Variants in ADAM12 observed in about 807,000 individuals in gnomAD.
The protein encoded by ADAM12 is ADAM metallopeptidase domain 12.
ADAM12 carries 70 observed loss-of-function variants against 106.4 expected under a neutral mutation model. That is an observed-to-expected ratio of 0.66 (90% CI 0.54 to 0.80). The LOEUF is 0.80. Among genes scored for constraint, ADAM12 ranks in the 30% least tolerant of loss-of-function variants. The probability of loss-of-function intolerance (pLI) is 0.00; values close to 1 mark genes in which losing one functional copy is unlikely to be tolerated. For synonymous variants in ADAM12, 420 were observed against 433.5 expected (o/e 0.97, Z 0.39); for missense variants, 1,010 against 1,171.9 (o/e 0.86, Z 2.02).
chr10:126,176,579 G>A (rs904257688), intron 3 of ADAM12, among the ~76,000 whole-genome samples: 1 of 152,178 alleles, frequency 6.6e-6, no homozygotes, highest in South Asian at 2.1e-4. Flanking sequence ...TACGTAAATA[G>A]TTAAATCAAG....
intron 1 of ADAM12, among the ~76,000 whole-genome samples, chr10:126,380,002 A>G (rs975413795): frequency 2.0e-5 from 3 of 152,270 alleles, no homozygotes; most frequent in African/African-American, 4.8e-5. Context: ...AGGAGTAGGT[A>G]AACAGACAGA....
At chr10:126,061,556 G>A (rs1223924698) in intron 14 of ADAM12, among the ~76,000 whole-genome samples, 1 of 152,166 alleles carries the variant, frequency 6.6e-6, no homozygotes, top group Non-Finnish European at 1.5e-5. Flanking sequence ...GATCACCCTG[G>A]ACAATCTGGG....
intron 1 of ADAM12, among the ~76,000 whole-genome samples, chr10:126,331,971 G>A (rs1199225812): frequency 6.6e-6 from 1 of 152,182 alleles, no homozygotes; most frequent in African/African-American, 2.4e-5. Context: ...CTGGCAGCAT[G>A]GAGATCTTGA....
intron 3 of ADAM12, among the ~76,000 whole-genome samples, chr10:126,255,329 G>T (rs79538634): frequency 0.072 from 10,982 of 152,150 alleles, 503 homozygotes; most frequent in East Asian, 0.13. Context: ...TGCTCCTTTT[G>T]TACCTCAAAA....
rs1232204197 is a variant in ADAM12 at position 126,051,075 on chromosome 10, T to A, written c.1610-1406A>T. 4.6e-5 allele frequency among the ~76,000 whole-genome samples: 7 copies of A among 152,204 alleles called. No homozygotes were observed. The South Asian group carries it at 6.3e-4, about 14-fold the overall frequency. ...ACTCAGCTCCTATTAGGGACCTGAT[T>A]TGTCCGCATTCTGCCTTCTTTTTCT... On this transcript the variant is annotated intron_variant, in intron 14 of 22. Transcript: ENST00000448723.
intron 19 of ADAM12, among the ~76,000 whole-genome samples, chr10:126,038,669 T>C (rs1327458500): frequency 6.6e-6 from 1 of 152,146 alleles, no homozygotes; most frequent in Non-Finnish European, 1.5e-5. Context: ...AGCTACCCCA[T>C]CTGATGAAAA....
At chr10:126,353,594 G>A (rs1420540731) in intron 1 of ADAM12, among the ~76,000 whole-genome samples, 1 of 152,204 alleles carries the variant, frequency 6.6e-6, no homozygotes, top group East Asian at 1.9e-4. Context: ...AGTTTGCTGA[G>A]TATCTCAACC....
chr10:126,190,564 C>G (rs937778885), intron 3 of ADAM12, among the ~76,000 whole-genome samples: 1 of 152,050 alleles, frequency 6.6e-6, no homozygotes, highest in Non-Finnish European at 1.5e-5. Flanking sequence ...GGGAATTTCA[C>G]CAAAATTCAT....
At chr10:126,256,169 G>A (rs995193936) in intron 3 of ADAM12, among the ~76,000 whole-genome samples, 1 of 152,102 alleles carries the variant, frequency 6.6e-6, no homozygotes, top group African/African-American at 2.4e-5. Flanking sequence ...TTTGCTCCAG[G>A]TGATTCTAAT....
intron 21 of ADAM12, among the ~76,000 whole-genome samples, chr10:126,025,061 T>A (rs1953843516): frequency 1.3e-5 from 2 of 151,856 alleles, no homozygotes; most frequent in South Asian, 4.2e-4. Flanking sequence ...ACCTTAAAGA[T>A]CAAAGGTAGA....
chr10:126,351,130 C>T (rs935166344), intron 1 of ADAM12, among the ~76,000 whole-genome samples: 1 of 152,176 alleles, frequency 6.6e-6, no homozygotes, highest in Non-Finnish European at 1.5e-5. Flanking sequence ...GCCCTCAGCC[C>T]GGAGGCCCAG....
At chr10:126,147,963 G>A (rs774941189) in intron 4 of ADAM12, among the ~76,000 whole-genome samples, 4 of 152,136 alleles carry the variant, frequency 2.6e-5, no homozygotes, top group Non-Finnish European at 5.9e-5. Context: ...AGCCTTTTTG[G>A]GGACCTCTGC....
At chr10:126,025,853 C>T (rs10901518) in intron 21 of ADAM12, among the ~76,000 whole-genome samples, 36,744 of 152,038 alleles carry the variant, frequency 0.24, 4,822 homozygotes, top group East Asian at 0.33. Context: ...GACACATAAT[C>T]ATCAGATTTT....
At position 126,066,914 on chromosome 10, in the gene ADAM12, G is replaced by T; in HGVS notation, c.1324-108C>A. The T allele has an allele frequency of 9.5e-7, 1 of 1,051,670 alleles. No individual in the cohort carries two copies. Among genetic ancestry groups the T allele is most frequent in the African/African-American group, 1.6e-5 (1 of 63,478 alleles). The allele number at this position is 1,051,670 out of a possible 1,614,324, so 65.1% of individuals were successfully genotyped here. On this transcript the variant is annotated intron_variant, in intron 12 of 22. Coordinates refer to ENST00000448723, the MANE Select transcript of ADAM12 (RefSeq NM_001288973.2). The surrounding 1 kb of genome is among the most constrained non-coding windows in gnomAD (Gnocchi z 5.1). ...GCAAAAAGCAAGAAAGACCAAGAGG[G>T]CCCAGCTCCTGAACTGCACACCTGC...
At chr10:126,079,498 A>G (rs780575565) in intron 11 of ADAM12, among the ~76,000 whole-genome samples, 3 of 152,318 alleles carry the variant, frequency 2.0e-5, no homozygotes, top group Non-Finnish European at 2.9e-5. Context: ...GGTAGCATGC[A>G]TCGGAACCTC....
intron 3 of ADAM12, among the ~76,000 whole-genome samples, chr10:126,213,308 G>C (rs1017223364): frequency 2.0e-5 from 3 of 152,074 alleles, no homozygotes; most frequent in African/African-American, 7.2e-5. Flanking sequence ...ATCCATGAGG[G>C]GATGTGCATA....
chr10:126,211,956 C>T (rs1957911009), intron 3 of ADAM12, among the ~76,000 whole-genome samples: 1 of 152,200 alleles, frequency 6.6e-6, no homozygotes. Context: ...TATGCTTAGA[C>T]TGGAGCAGTT....
chr10:126,321,950 T>C (rs570892464), intron 2 of ADAM12, among the ~76,000 whole-genome samples: 31 of 149,970 alleles, frequency 2.1e-4, no homozygotes, highest in Admixed American at 1.7e-3. Flanking sequence ...AGCATCCACC[T>C]TGCAGGGCTG....
intron 3 of ADAM12, among the ~76,000 whole-genome samples, chr10:126,194,067 A>G (rs115493569): frequency 0.013 from 1,990 of 152,154 alleles, 42 homozygotes; most frequent in African/African-American, 0.046. Context: ...GAAAAGTTAC[A>G]CTTGTGAAAT....
Sources: allele counts gnomAD v4.1 joint callset (sites outside exome capture counted in the v4.1 genomes callset), GRCh38; gene constraint gnomAD v4.1.1; non-coding constraint Gnocchi (gnomAD v3.1); transcripts MANE v1.5; gene names NCBI Gene and HGNC (gene_info 2026-07-23, HGNC 2026-07-21).